Variants in CCDC7 observed in about 807,000 individuals in gnomAD.
CCDC7 encodes the protein coiled-coil domain containing 7.
A neutral mutation model predicts 196.9 loss-of-function variants in CCDC7; 183 were observed. The observed-to-expected ratio is 0.93, with a 90% CI of 0.82 to 1.05. CCDC7 has a LOEUF of 1.05. CCDC7 is among the 50% of genes least tolerant of loss of function. The pLI, the probability that CCDC7 is intolerant of heterozygous loss-of-function variation, is 0.00. For synonymous variants in CCDC7, 525 were observed against 484.6 expected (o/e 1.08, Z -1.10); for missense variants, 1,540 against 1,482.2 (o/e 1.04, Z -0.64).
chr10:32,758,419 T>A (rs969474692), intron 28 of CCDC7, among the ~76,000 whole-genome samples: 5 of 152,172 alleles, frequency 3.3e-5, no homozygotes, highest in African/African-American at 4.8e-5. Flanking sequence ...GTTGGCTTCA[T>A]CCCTGCGATG....
intron 33 of CCDC7, among the ~76,000 whole-genome samples, chr10:32,837,228 G>GA (rs1224565084): frequency 3.3e-5 from 5 of 152,016 alleles, no homozygotes; most frequent in Admixed American, 2.6e-4. Flanking sequence ...AAATTTACAA[G>GA]AAAAAAACAA....
At chr10:32,751,510 T>C (rs931064949) in intron 28 of CCDC7, among the ~76,000 whole-genome samples, 1 of 152,126 alleles carries the variant, frequency 6.6e-6, no homozygotes, top group Non-Finnish European at 1.5e-5. Context: ...ATGAAAGTCA[T>C]TGGGAAATCA....
chr10:32,654,571 C>T (rs1442573105), intron 20 of CCDC7, among the ~76,000 whole-genome samples: 2 of 152,096 alleles, frequency 1.3e-5, no homozygotes, highest in South Asian at 2.1e-4. Context: ...GCTTAGTTAG[C>T]TTAGTGATCA....
At chr10:32,491,979 A>G in exon 9 of CCDC7, 1 of 1,579,148 alleles carries the variant, frequency 6.3e-7, no homozygotes. Context: ...TTTGAAAACC[A>G]GGCAAATATG....
chr10:32,674,965 G>A (rs1454893937), intron 21 of CCDC7, among the ~76,000 whole-genome samples: 8 of 151,906 alleles, frequency 5.3e-5, no homozygotes, highest in African/African-American at 1.2e-4. Flanking sequence ...GTTTAAGCCC[G>A]TCACTTTTAG....
At chr10:32,482,073 C>T (rs988534575) in intron 8 of CCDC7, among the ~76,000 whole-genome samples, 13 of 151,722 alleles carry the variant, frequency 8.6e-5, no homozygotes, top group African/African-American at 2.9e-4. Flanking sequence ...GCCATTATTT[C>T]TTCAAATAAG....
At position 32,705,902 on chromosome 10, in the gene CCDC7, C is replaced by G. The variant is rs568359287; in HGVS notation, c.2459-5718C>G. Reference sequence around the variant, plus strand: ...TTAACACTCCACTGTCAACATTAGACAGATCAACGAGACAGAAAGTTAACA... The same window carrying G: ...TTAACACTCCACTGTCAACATTAGAGAGATCAACGAGACAGAAAGTTAACA... On this transcript the variant is annotated intron_variant, in intron 24 of 41. Coordinates refer to ENST00000639629, the Ensembl canonical transcript of CCDC7. Among the ~76,000 whole-genome samples, 5 of 152,150 alleles carry G rather than the reference C, an allele frequency of 3.3e-5. No individual in the cohort carries two copies. In the South Asian group the frequency reaches 8.3e-4, roughly 25 times the overall value.
intron 25 of CCDC7, among the ~76,000 whole-genome samples, chr10:32,724,963 G>A (rs1395903590): frequency 1.3e-5 from 2 of 152,098 alleles, no homozygotes; most frequent in Admixed American, 1.3e-4. Flanking sequence ...GTCTATGGGT[G>A]TGCCTGAAAG....
At chr10:32,652,377 C>G (rs1446977782) in intron 20 of CCDC7, among the ~76,000 whole-genome samples, 1 of 151,878 alleles carries the variant, frequency 6.6e-6, no homozygotes, top group African/African-American at 2.4e-5. Flanking sequence ...CACTCTATGT[C>G]TTTAATTTGG....
intron 28 of CCDC7, among the ~76,000 whole-genome samples, chr10:32,769,612 CT>C: frequency 6.6e-6 from 1 of 152,158 alleles, no homozygotes; most frequent in South Asian, 2.1e-4. Context: ...GGTATTTCTG[CT>C]AATGCTATCC....
intron 23 of CCDC7, among the ~76,000 whole-genome samples, chr10:32,691,809 G>C (rs956304266): frequency 1.3e-5 from 2 of 152,172 alleles, no homozygotes; most frequent in African/African-American, 4.8e-5. Context: ...CTCTGCAGAT[G>C]ATGGCCCAAA....
chr10:32,468,987 G>T (rs2037402626), intron 5 of CCDC7, among the ~76,000 whole-genome samples: 1 of 152,214 alleles, frequency 6.6e-6, no homozygotes, highest in African/African-American at 2.4e-5. Context: ...ACCTACAGTA[G>T]CCTGTACACT....
At chr10:32,565,419 C>A in intron 13 of CCDC7, 139 bp from the exon 15 acceptor site, 1 of 762,792 alleles carries the variant, frequency 1.3e-6, no homozygotes, top group East Asian at 2.9e-5. Context: ...CACCATTACA[C>A]TTGAGAGATG....
intron 16 of CCDC7, among the ~76,000 whole-genome samples, chr10:32,582,113 T>TATATATAC (rs1313510209): frequency 0.028 from 936 of 33,652 alleles, 38 homozygotes; most frequent in African/African-American, 0.12. Context: ...GCACTATATA[T>TATATATAC]ATATATATAT....
chr10:32,444,850 GT>G (rs59116319), upstream of CCDC7, among the ~76,000 whole-genome samples: 56,280 of 140,108 alleles, frequency 0.4, 10,250 homozygotes, highest in Non-Finnish European at 0.47. Context: ...ATGCCTTCAT[GT>G]TTTTTTTTTT....
At chr10:32,742,374 G>A (rs2086004565) in intron 28 of CCDC7, among the ~76,000 whole-genome samples, 1 of 152,000 alleles carries the variant, frequency 6.6e-6, no homozygotes. Flanking sequence ...TTTACTTTAG[G>A]GTTCACTGTT....
intron 8 of CCDC7, among the ~76,000 whole-genome samples, chr10:32,489,194 C>T (rs2041775508): frequency 6.6e-6 from 1 of 152,152 alleles, no homozygotes; most frequent in African/African-American, 2.4e-5. Flanking sequence ...TCTGGGAGCA[C>T]AGGCATGTAT....
intron 16 of CCDC7, among the ~76,000 whole-genome samples, chr10:32,580,178 C>T (rs2058609582): frequency 6.6e-6 from 1 of 151,574 alleles, no homozygotes; most frequent in Non-Finnish European, 1.5e-5. Context: ...ATAATTTCCC[C>T]ATAGTTTGAG....
intron 28 of CCDC7, among the ~76,000 whole-genome samples, chr10:32,770,323 C>T (rs2078982227): frequency 6.6e-6 from 1 of 152,108 alleles, no homozygotes; most frequent in Non-Finnish European, 1.5e-5. Context: ...TCTCCATTTT[C>T]ACTTGTTTCA....
Sources: allele counts gnomAD v4.1 joint callset (sites outside exome capture counted in the v4.1 genomes callset), GRCh38; gene constraint gnomAD v4.1.1; transcripts MANE v1.5; gene names NCBI Gene and HGNC (gene_info 2026-07-23, HGNC 2026-07-21).